The following TTC23L variants were observed in gnomAD, a reference collection of about 807,000 sequenced individuals.
TTC23L encodes the protein tetratricopeptide repeat protein 23-like.
Under a neutral mutation model 48.1 loss-of-function variants are expected in TTC23L, and 42 were observed. That is an observed-to-expected ratio of 0.87 (90% CI 0.68 to 1.13). The LOEUF (loss-of-function observed/expected upper bound fraction) is 1.13, where lower values mean the gene tolerates loss of function less well. Among genes scored for constraint, TTC23L ranks in the 50% most tolerant of loss-of-function variants. TTC23L has a pLI of 0.00. For missense variants in TTC23L, 391 were observed against 421.0 expected, an observed-to-expected ratio of 0.93 and a Z score of 0.62; for synonymous variants, 159 against 157.2, an observed-to-expected ratio of 1.01 and a Z score of -0.09.
intron 8 of TTC23L, among the ~76,000 whole-genome samples, chr5:34,875,713 A>G (rs1339561378): frequency 6.6e-6 from 1 of 152,182 alleles, no homozygotes; most frequent in Non-Finnish European, 1.5e-5. Flanking sequence ...ACACCCGTGT[A>G]TCAGAAATGG....
intron 9 of TTC23L, among the ~76,000 whole-genome samples, chr5:34,885,297 G>T (rs1026392067): frequency 6.6e-6 from 1 of 152,132 alleles, no homozygotes; most frequent in African/African-American, 2.4e-5. Flanking sequence ...ATTTTAAGGA[G>T]GTGTAAAGAA....
intron 9 of TTC23L, among the ~76,000 whole-genome samples, chr5:34,890,030 G>C (rs1762770244): frequency 6.6e-6 from 1 of 151,868 alleles, no homozygotes; most frequent in Non-Finnish European, 1.5e-5. Context: ...GTAGAGACGG[G>C]GTTTCCCCAT....
intron 8 of TTC23L, among the ~76,000 whole-genome samples, chr5:34,879,027 A>T (rs1426267133): frequency 6.6e-6 from 1 of 152,210 alleles, no homozygotes; most frequent in African/African-American, 2.4e-5. Context: ...AAAAGAATGA[A>T]ATCATGTCTT....
At chr5:34,925,029 A>G in the TTC23L span, 1 of 1,567,144 alleles carries the variant, frequency 6.4e-7, no homozygotes, top group South Asian at 1.2e-5. Flanking sequence ...CTTTGGCCAA[A>G]ATGATTCTGT....
At chr5:34,903,922 C>G (rs546893658), downstream of TTC23L, among the ~76,000 whole-genome samples, 1 of 152,014 alleles carries the variant, frequency 6.6e-6, no homozygotes, top group African/African-American at 2.4e-5. Flanking sequence ...AATTCAAGCC[C>G]AGATCAAGCT....
chr5:34,914,952 C>G, the TTC23L span: 1 of 1,572,808 alleles, frequency 6.4e-7, no homozygotes, highest in Non-Finnish European at 8.7e-7. Context: ...CTCGGCGGAT[C>G]GCCAAACACC....
the TTC23L span, chr5:34,920,272 A>G: frequency 6.5e-6 from 1 of 153,402 alleles, no homozygotes. Context: ...GCCAGTATTA[A>G]AAGTGATTTG....
chr5:34,849,253 A>T (rs1192778860), intron 3 of TTC23L, among the ~76,000 whole-genome samples: 1 of 152,240 alleles, frequency 6.6e-6, no homozygotes, highest in Non-Finnish European at 1.5e-5. Flanking sequence ...AAAAAAAAGA[A>T]AAAACAACCA....
At chr5:34,850,646 C>T (rs548759460) in intron 4 of TTC23L, among the ~76,000 whole-genome samples, 3 of 152,126 alleles carry the variant, frequency 2.0e-5, no homozygotes, top group South Asian at 2.1e-4. Context: ...GGGTTCCAGC[C>T]GGAGGACAGT....
At chr5:34,890,294 A>T (rs1349477461) in intron 9 of TTC23L, among the ~76,000 whole-genome samples, 2 of 151,594 alleles carry the variant, frequency 1.3e-5, no homozygotes, top group East Asian at 4.0e-4. Flanking sequence ...AAAATATAAA[A>T]ATTAGCCAGG....
chr5:34,864,953 C>G lies in TTC23L; in HGVS notation c.662+391C>G, dbSNP rs1037251977. Among the ~76,000 whole-genome samples the G allele has an allele frequency of 5.3e-5, 8 of 152,126 alleles. No individual in the cohort carries two copies. The East Asian group carries it at 1.5e-3, about 29-fold the overall frequency. ...TCTCTGAATTGCCACCTATTTTTGTCATGACATGTGACATTTTAGATGAAG... is the reference window on the plus strand; with the variant it reads ...TCTCTGAATTGCCACCTATTTTTGTGATGACATGTGACATTTTAGATGAAG... On this transcript the variant is annotated intron_variant, in intron 6 of 10. Transcript: ENST00000505624.
At chr5:34,839,424 T>G (rs1758400286) in intron 1 of TTC23L, 165 bp downstream of exon 1, 1 of 157,208 alleles carries the variant, frequency 6.4e-6, no homozygotes, top group Non-Finnish European at 1.4e-5. Flanking sequence ...CTCTCAGAGC[T>G]CGACCTGCGG....
chr5:34,846,707 G>GTGTGTGTGTATA (rs59410522), intron 3 of TTC23L, among the ~76,000 whole-genome samples: 1 of 129,734 alleles, frequency 7.7e-6, no homozygotes, highest in Non-Finnish European at 1.6e-5. Context: ...GTGTGTGTGT[G>GTGTGTGTGTATA]TATCCATCCT....
the TTC23L span, chr5:34,922,910 G>C: frequency 8.1e-7 from 1 of 1,228,852 alleles, no homozygotes; most frequent in Non-Finnish European, 1.2e-6. Context: ...CATTTATAAT[G>C]AGGTTATAGC....
chr5:34,880,334 A>T, intron 9 of TTC23L, 26 bp downstream of exon 9: 1 of 1,586,960 alleles, frequency 6.3e-7, no homozygotes, highest in Non-Finnish European at 8.6e-7. Context: ...GCATAAACAG[A>T]ATTGCTAGTT....
At chr5:34,898,113 A>G (rs1763342903) in intron 10 of TTC23L, among the ~76,000 whole-genome samples, 1 of 152,212 alleles carries the variant, frequency 6.6e-6, no homozygotes, top group Non-Finnish European at 1.5e-5. Context: ...AATGCATTAT[A>G]TGTAAAGTGC....
intron 9 of TTC23L, among the ~76,000 whole-genome samples, chr5:34,890,456 A>G (rs1353412643): frequency 1.3e-5 from 2 of 151,620 alleles, no homozygotes; most frequent in African/African-American, 4.8e-5. Context: ...AAAAAAAAAA[A>G]AAAAAAAAAG....
the TTC23L span, chr5:34,925,549 A>T: frequency 6.8e-7 from 1 of 1,473,494 alleles, no homozygotes; most frequent in Non-Finnish European, 9.2e-7. Context: ...TTTGTATTCA[A>T]TGTGTAAATA....
chr5:34,909,369 A>AT, the TTC23L span: 1 of 1,530,364 alleles, frequency 6.5e-7, no homozygotes, highest in Non-Finnish European at 9.0e-7. Flanking sequence ...ATAGAAAATG[A>AT]TTACCTCATT....
Sources: allele counts gnomAD v4.1 joint callset (sites outside exome capture counted in the v4.1 genomes callset), GRCh38; gene constraint gnomAD v4.1.1; transcripts MANE v1.5; gene names NCBI Gene and HGNC (gene_info 2026-07-23, HGNC 2026-07-21).